PKIB: variants seen among roughly 807,000 people sequenced by gnomAD.
PKIB encodes cAMP-dependent protein kinase inhibitor beta, also known as PKI-beta.
In PKIB, 2 loss-of-function variants were observed where a neutral mutation model predicts 4.5. That is an observed-to-expected ratio of 0.44 (90% CI 0.18 to 1.39). PKIB has a LOEUF of 1.39. PKIB is among the 40% of genes most tolerant of loss of function. The probability of loss-of-function intolerance (pLI) is 0.27; values close to 1 mark genes in which losing one functional copy is unlikely to be tolerated. For synonymous variants in PKIB, 38 were observed against 36.0 expected, an observed-to-expected ratio of 1.06 and a Z score of -0.20; for missense variants, 94 against 92.6, an observed-to-expected ratio of 1.02 and a Z score of -0.06.
chr6:122,518,220 AC>A, intron 2 of PKIB, among the ~76,000 whole-genome samples: 1 of 152,236 alleles, frequency 6.6e-6, no homozygotes, highest in African/African-American at 2.4e-5. Flanking sequence ...TGTAAAAGTT[AC>A]TCTTAGCTTC....
intron 2 of PKIB, among the ~76,000 whole-genome samples, chr6:122,492,771 A>C (rs866229259): frequency 8.5e-5 from 8 of 93,828 alleles, no homozygotes; most frequent in Non-Finnish European, 1.5e-4. Flanking sequence ...TTTTAAGAGA[A>C]AGAGTTTTTT....
intron 2 of PKIB, among the ~76,000 whole-genome samples, chr6:122,642,992 T>A (rs915285152): frequency 1.3e-5 from 2 of 151,950 alleles, no homozygotes; most frequent in Non-Finnish European, 1.5e-5. Context: ...TTAATTTTTT[T>A]AAAAAAGAGG....
At chr6:122,640,921 T>A (rs1181613525) in intron 2 of PKIB, among the ~76,000 whole-genome samples, 1 of 152,238 alleles carries the variant, frequency 6.6e-6, no homozygotes, top group Non-Finnish European at 1.5e-5. Context: ...TTCGTGTAAT[T>A]CATATTATAC....
At chr6:122,688,498 T>C (rs1778183185) in intron 3 of PKIB, among the ~76,000 whole-genome samples, 1 of 85,198 alleles carries the variant, frequency 1.2e-5, no homozygotes. Flanking sequence ...TTTTCTTCTG[T>C]TTTTTTTGGA....
At chr6:122,476,475 G>A (rs1775453763) in intron 1 of PKIB, among the ~76,000 whole-genome samples, 1 of 152,042 alleles carries the variant, frequency 6.6e-6, no homozygotes, top group Non-Finnish European at 1.5e-5. Flanking sequence ...TTCAATTATG[G>A]TCTTAATGTT....
At chr6:122,589,759 T>C (rs1438544016) in intron 3 of PKIB, among the ~76,000 whole-genome samples, 1 of 152,066 alleles carries the variant, frequency 6.6e-6, no homozygotes, top group Non-Finnish European at 1.5e-5. Flanking sequence ...TATTTCATTA[T>C]TACAGGAAAA....
In PKIB at chr6:122,725,668, T is replaced by TTTG. The variant is rs1291897818; in HGVS notation, c.*476_*478dup. On this transcript the variant is annotated 3_prime_UTR_variant, in exon 5 of 5. Coordinates refer to ENST00000368452, the MANE Select transcript of PKIB (RefSeq NM_181795.3). ...TCAAAACTCACATGGATAGAGTGTGTTTGTTTTTTGCCAAAAATGCCCCAG... is the reference window on the plus strand; with the variant it reads ...TCAAAACTCACATGGATAGAGTGTGTTTGTTGTTTTTTGCCAAAAATGCCCCAG... 1 of 152,350 alleles carries TTTG rather than the reference T, an allele frequency of 6.6e-6. No individual in the cohort carries two copies. The highest frequency in any genetic ancestry group is 1.5e-5 in the Non-Finnish European group (1 of 68,168). The allele number at this position is 152,350 out of a possible 1,614,324, so 9.4% of individuals were successfully genotyped here.
At chr6:122,621,953 G>A (rs143947948) in intron 1 of PKIB, among the ~76,000 whole-genome samples, 5 of 152,174 alleles carry the variant, frequency 3.3e-5, no homozygotes, top group African/African-American at 4.8e-5. Context: ...GGATTGACTC[G>A]GTGGTTGCCT....
At chr6:122,639,938 C>T (rs1275922346) in intron 2 of PKIB, among the ~76,000 whole-genome samples, 1 of 152,056 alleles carries the variant, frequency 6.6e-6, no homozygotes, top group African/African-American at 2.4e-5. Context: ...AAGGGTTCGC[C>T]TGAAGACAAT....
intron 1 of PKIB, among the ~76,000 whole-genome samples, chr6:122,612,909 T>A (rs1774821380): frequency 6.6e-6 from 1 of 152,226 alleles, no homozygotes; most frequent in East Asian, 1.9e-4. Flanking sequence ...ATTTAAAAAA[T>A]TCTGGAAAAA....
intron 2 of PKIB, among the ~76,000 whole-genome samples, chr6:122,505,469 G>A (rs1049663718): frequency 2.0e-5 from 3 of 152,074 alleles, no homozygotes; most frequent in African/African-American, 7.2e-5. Flanking sequence ...TCTCTCCAGA[G>A]GTGTCTTTCG....
At chr6:122,632,750 T>C (rs893450865) in intron 1 of PKIB, among the ~76,000 whole-genome samples, 1 of 152,182 alleles carries the variant, frequency 6.6e-6, no homozygotes, top group Admixed American at 6.5e-5. Flanking sequence ...AGGAAAACAA[T>C]GTCCTTGCTC....
intron 2 of PKIB, among the ~76,000 whole-genome samples, chr6:122,533,629 T>C (rs1057188193): frequency 6.6e-6 from 1 of 152,256 alleles, no homozygotes; most frequent in Non-Finnish European, 1.5e-5. Context: ...TTCTTGCTTA[T>C]GTTTTAAAAT....
chr6:122,598,708 A>G (rs1582725485), intron 3 of PKIB, among the ~76,000 whole-genome samples: 1 of 152,144 alleles, frequency 6.6e-6, no homozygotes, highest in Non-Finnish European at 1.5e-5. Flanking sequence ...CCCTTCCTCT[A>G]CATTAAACCA....
At chr6:122,645,862 T>C (rs2566831) in intron 2 of PKIB, among the ~76,000 whole-genome samples, 149,666 of 152,292 alleles carry the variant, frequency 0.98, 73,592 homozygotes, top group Middle Eastern at 1. Flanking sequence ...ACTCATGTGA[T>C]GGTCACCTTT....
intron 2 of PKIB, among the ~76,000 whole-genome samples, chr6:122,529,609 G>A (rs1419774841): frequency 1.3e-5 from 2 of 152,104 alleles, no homozygotes; most frequent in African/African-American, 2.4e-5. Flanking sequence ...TGTAGAGCAG[G>A]TCGAGTGGTA....
In PKIB at chr6:122,549,911, T is replaced by C. The variant is rs201986837; in HGVS notation, c.-247-36010T>C. On this transcript the variant is annotated intron_variant, in intron 2 of 6. Coordinates refer to the PKIB transcript ENST00000392491. ...ATATATACACACACACACACACACA[T>C]ATATATATATACACATTTTTTGAGA... Among the ~76,000 whole-genome samples the C allele has an allele frequency of 3.2e-3, 348 of 109,888 alleles. 1 individual carries two copies. The highest frequency in any genetic ancestry group is 6.6e-3 in the Admixed American group (78 of 11,752). 72.1% of individuals were successfully genotyped at this position (109,888 alleles called of 152,430 possible). A position where few individuals can be genotyped will look rare whatever the true frequency, so the allele number is the denominator to read the frequency against.
chr6:122,627,048 C>T (rs1249457733), intron 1 of PKIB, among the ~76,000 whole-genome samples: 3 of 133,566 alleles, frequency 2.2e-5, no homozygotes, highest in African/African-American at 8.6e-5. Context: ...TCCTGGTTAA[C>T]ACGGTGAAAC....
intron 2 of PKIB, among the ~76,000 whole-genome samples, chr6:122,581,337 T>C (rs537640528): frequency 1.3e-5 from 2 of 152,260 alleles, no homozygotes; most frequent in South Asian, 4.1e-4. Context: ...CTCGAAGTTG[T>C]TTTTGTTATA....
Sources: allele counts gnomAD v4.1 joint callset (sites outside exome capture counted in the v4.1 genomes callset), GRCh38; gene constraint gnomAD v4.1.1; transcripts MANE v1.5; gene names NCBI Gene and HGNC (gene_info 2026-07-23, HGNC 2026-07-21).